OXR1: variants seen among roughly 807,000 people sequenced by gnomAD.
OXR1 encodes oxidation resistance protein 1.
In OXR1, 41 loss-of-function variants were observed where a neutral mutation model predicts 104.6. The ratio of observed to expected loss-of-function variants is 0.39; its 90% CI spans 0.31 to 0.51. OXR1 has a LOEUF of 0.51. Ranked by LOEUF, OXR1 falls within the 20% of genes least tolerant of loss-of-function variation. OXR1 has a pLI of 0.77. For missense variants in OXR1, 955 were observed against 1,031.9 expected, an observed-to-expected ratio of 0.93 and a Z score of 1.02; for synonymous variants, 348 against 348.4, an observed-to-expected ratio of 1.00 and a Z score of 0.01.
rs557385953 is a variant in OXR1, at chr8:106,278,284, T to C, written c.-139+7917T>C. Reference sequence around the variant, plus strand: ...TTTTCTTACATTAGATACTAGGTAGTAGAATCACTGTTTTCTGATAAAAGT... The same window carrying C: ...TTTTCTTACATTAGATACTAGGTAGCAGAATCACTGTTTTCTGATAAAAGT... On this transcript the variant is annotated intron_variant, in intron 1 of 16. Coordinates refer to ENST00000517566, the MANE Select transcript of OXR1 (RefSeq NM_001198533.2). Among the ~76,000 whole-genome samples, 7 of 152,312 alleles carry C rather than the reference T, an allele frequency of 4.6e-5. 1 individual carries two copies. Among genetic ancestry groups the C allele is most frequent in the Non-Finnish European group, 1.0e-4 (7 of 68,024 alleles).
chr8:106,314,829 A>G (rs1813859313), intron 1 of OXR1, among the ~76,000 whole-genome samples: 1 of 152,216 alleles, frequency 6.6e-6, no homozygotes. Context: ...AAGTAAAAAT[A>G]ATGGGATTTT....
chr8:106,604,820 T>G (rs1446541674), intron 3 of OXR1: 1 of 152,184 alleles, frequency 6.6e-6, no homozygotes, highest in Non-Finnish European at 1.5e-5. Flanking sequence ...GCCTGAAGGT[T>G]ATACTAAGAA....
At chr8:106,734,154 C>A (rs1009034022) in intron 11 of OXR1, among the ~76,000 whole-genome samples, 1 of 151,936 alleles carries the variant, frequency 6.6e-6, no homozygotes, top group Admixed American at 6.6e-5. Context: ...GACGAGATTT[C>A]TCCATGTTGC....
At chr8:106,550,827 C>T (rs140749730) in intron 3 of OXR1, among the ~76,000 whole-genome samples, 84 of 152,202 alleles carry the variant, frequency 5.5e-4, no homozygotes, top group African/African-American at 1.9e-3. Context: ...GTCTTTATAG[C>T]AGTGTGAAAA....
At chr8:106,385,784 A>AT (rs1197901302) in intron 2 of OXR1, among the ~76,000 whole-genome samples, 2 of 152,130 alleles carry the variant, frequency 1.3e-5, no homozygotes, top group Non-Finnish European at 1.5e-5. Context: ...ATTGTTCATT[A>AT]TGTGGGGAGT....
chr8:106,362,777 A>G (rs1479719123), intron 2 of OXR1, among the ~76,000 whole-genome samples: 3 of 152,214 alleles, frequency 2.0e-5, no homozygotes, highest in African/African-American at 7.2e-5. Context: ...ATCTGAGGGA[A>G]AGAATTGTTT....
chr8:106,556,039 AAGAC>A (rs1306038836), intron 3 of OXR1, among the ~76,000 whole-genome samples: 4 of 151,684 alleles, frequency 2.6e-5, no homozygotes, highest in Non-Finnish European at 5.9e-5. Flanking sequence ...TAAATGAAGT[AAGAC>A]AGAAACAGGT....
At chr8:106,319,544 G>T (rs1229469837) in intron 1 of OXR1, among the ~76,000 whole-genome samples, 1 of 152,198 alleles carries the variant, frequency 6.6e-6, no homozygotes, top group African/African-American at 2.4e-5. Context: ...CAAACTCTAA[G>T]GGAATTTTAA....
At chr8:106,418,682 C>T (rs1818781543) in intron 2 of OXR1, among the ~76,000 whole-genome samples, 1 of 151,860 alleles carries the variant, frequency 6.6e-6, no homozygotes, top group Non-Finnish European at 1.5e-5. Flanking sequence ...GTTCACAAGA[C>T]AACTGAAAAA....
chr8:106,430,627 G>C (rs1474372770), intron 2 of OXR1, among the ~76,000 whole-genome samples: 1 of 152,150 alleles, frequency 6.6e-6, no homozygotes, highest in East Asian at 1.9e-4. Context: ...TTTAGAACCA[G>C]TACTTCAGTT....
chr8:106,391,629 G>T (rs920575183), intron 2 of OXR1, among the ~76,000 whole-genome samples: 1 of 152,066 alleles, frequency 6.6e-6, no homozygotes, highest in Admixed American at 6.6e-5. Flanking sequence ...ACCACAGTTT[G>T]ATGTCCTATG....
At chr8:106,597,822 T>G (rs1010924447) in intron 3 of OXR1, among the ~76,000 whole-genome samples, 3 of 152,144 alleles carry the variant, frequency 2.0e-5, no homozygotes, top group African/African-American at 7.2e-5. Flanking sequence ...TGGCTTCTGC[T>G]TCATTTCCAC....
intron 2 of OXR1, among the ~76,000 whole-genome samples, chr8:106,462,810 C>A (rs1820980191): frequency 6.6e-6 from 1 of 151,978 alleles, no homozygotes; most frequent in Non-Finnish European, 1.5e-5. Flanking sequence ...TTCAAGAGAA[C>A]AAATAATGAT....
chr8:106,582,023 CA>C (rs71307074), intron 3 of OXR1, among the ~76,000 whole-genome samples: 20,828 of 69,278 alleles, frequency 0.3, 796 homozygotes, highest in Middle Eastern at 0.36. Flanking sequence ...GACTCTGTCT[CA>C]AAAAAAAAAA....
intron 1 of OXR1, among the ~76,000 whole-genome samples, chr8:106,305,636 A>G: frequency 6.6e-6 from 1 of 152,104 alleles, no homozygotes; most frequent in East Asian, 1.9e-4. Flanking sequence ...CCCAAAATAC[A>G]CACCCACCCA....
At chr8:106,658,234 G>A in intron 3 of OXR1, 1 of 1,230,752 alleles carries the variant, frequency 8.1e-7, no homozygotes, top group Admixed American at 4.2e-5. Flanking sequence ...TGGGCTGAGG[G>A]CTGTGGGGAG....
chr8:106,385,318 A>T lies in OXR1; in HGVS notation c.23+25682A>T, dbSNP rs144706146. ...AACATTGCAAAAGAAAGCTGGAGGG[A>T]AGTCTAGAGAGAAAATTCTTATTGA... On this transcript the variant is annotated intron_variant, in intron 2 of 16. Transcript: ENST00000517566. 2.0e-5 allele frequency among the ~76,000 whole-genome samples: 3 copies of T among 152,328 alleles called. No homozygotes were observed. The East Asian group carries it at 5.8e-4, about 29-fold the overall frequency.
At chr8:106,598,368 CCTTATCACAG>C (rs1220470591) in intron 3 of OXR1, among the ~76,000 whole-genome samples, 38 of 152,190 alleles carry the variant, frequency 2.5e-4, no homozygotes, top group Non-Finnish European at 1.2e-4. Context: ...TGCTTCCTGT[CCTTATCACAG>C]CTCTATCACT....
At chr8:106,725,301 A>AGT (rs913630026) in intron 11 of OXR1, among the ~76,000 whole-genome samples, 1 of 151,954 alleles carries the variant, frequency 6.6e-6, no homozygotes, top group African/African-American at 2.4e-5. Context: ...TTAGAAAGGT[A>AGT]GTGTGTGTGT....
Sources: allele counts gnomAD v4.1 joint callset (sites outside exome capture counted in the v4.1 genomes callset), GRCh38; gene constraint gnomAD v4.1.1; transcripts MANE v1.5; gene names NCBI Gene and HGNC (gene_info 2026-07-23, HGNC 2026-07-21).